Variants in GALNT14 observed in about 807,000 individuals in gnomAD.
The protein encoded by GALNT14 is UDP-GalNAc:polypeptide N-acetylgalactosaminyltransferase 14.
In GALNT14, 60 loss-of-function variants were observed where a neutral mutation model predicts 77.5. That is an observed-to-expected ratio of 0.77 (90% CI 0.63 to 0.96). The LOEUF is 0.96. Ranked by LOEUF, GALNT14 falls within the 40% of genes least tolerant of loss-of-function variation. GALNT14 has a pLI of 0.00. For missense variants in GALNT14, 710 were observed against 731.0 expected, an observed-to-expected ratio of 0.97 and a Z score of 0.33; for synonymous variants, 280 against 281.7, an observed-to-expected ratio of 0.99 and a Z score of 0.06.
At chr2:31,011,629 G>C (rs1420005612) in intron 1 of GALNT14, among the ~76,000 whole-genome samples, 1 of 152,096 alleles carries the variant, frequency 6.6e-6, no homozygotes, top group Non-Finnish European at 1.5e-5. Flanking sequence ...TAAGAGGAGA[G>C]GGCGCCTCTC....
chr2:30,998,053 G>A (rs529022832), intron 1 of GALNT14, among the ~76,000 whole-genome samples: 10 of 152,284 alleles, frequency 6.6e-5, no homozygotes, highest in Non-Finnish European at 1.0e-4. Context: ...GAAATTAAGT[G>A]ATTTGTGACA....
At chr2:30,971,769 C>T (rs560575327) in intron 2 of GALNT14, among the ~76,000 whole-genome samples, 1 of 152,130 alleles carries the variant, frequency 6.6e-6, no homozygotes, top group Non-Finnish European at 1.5e-5. Flanking sequence ...CCACCCTGCA[C>T]CTGAATATGT....
At chr2:30,996,967 TAAATA>T (rs1368619013) in intron 1 of GALNT14, among the ~76,000 whole-genome samples, 3 of 152,148 alleles carry the variant, frequency 2.0e-5, no homozygotes, top group Non-Finnish European at 2.9e-5. Flanking sequence ...ACATAAAGAA[TAAATA>T]AAATAAAATA....
chr2:31,116,029 A>G (rs747946220), intron 1 of GALNT14, among the ~76,000 whole-genome samples: 3 of 152,086 alleles, frequency 2.0e-5, no homozygotes, highest in Non-Finnish European at 4.4e-5. Flanking sequence ...TCTCCAAAAT[A>G]TATTTATTAG....
rs141264180 is a variant in GALNT14, at chr2:31,058,716, C to T, written c.130-65709G>A. Among the ~76,000 whole-genome samples, 278 of 152,294 alleles carry T rather than the reference C, an allele frequency of 1.8e-3. 1 individual carries two copies. The highest frequency in any genetic ancestry group is 6.5e-3 in the African/African-American group (272 of 41,548). ...TCCCCACATCTGGCACATGCACAGACCTTTCATACACAACGTCCCATGACA... is the reference window on the plus strand; with the variant it reads ...TCCCCACATCTGGCACATGCACAGATCTTTCATACACAACGTCCCATGACA... On this transcript the variant is annotated intron_variant, in intron 1 of 14. Coordinates refer to ENST00000349752, the MANE Select transcript of GALNT14 (RefSeq NM_024572.4).
At chr2:30,975,329 C>T (rs1668570641) in intron 2 of GALNT14, among the ~76,000 whole-genome samples, 1 of 152,192 alleles carries the variant, frequency 6.6e-6, no homozygotes, top group Non-Finnish European at 1.5e-5. Flanking sequence ...CAGACTGAGG[C>T]CCAGACACCC....
intron 1 of GALNT14, among the ~76,000 whole-genome samples, chr2:31,106,739 G>C (rs567995995): frequency 1.3e-5 from 2 of 152,196 alleles, no homozygotes; most frequent in Admixed American, 1.3e-4. Context: ...TCCTTATTTG[G>C]GGGTAATTTT....
chr2:31,073,429 C>T (rs1323887017), intron 1 of GALNT14, among the ~76,000 whole-genome samples: 3 of 150,346 alleles, frequency 2.0e-5, no homozygotes, highest in Non-Finnish European at 4.4e-5. Flanking sequence ...AAGAGATGGA[C>T]ATATCAGTCG....
intron 2 of GALNT14, among the ~76,000 whole-genome samples, chr2:30,969,327 C>T (rs1223740508): frequency 1.3e-5 from 2 of 152,182 alleles, no homozygotes; most frequent in African/African-American, 4.8e-5. Context: ...AGGACGAAGG[C>T]ACTGCCTTGG....
At position 30,945,887 on chromosome 2, in the gene GALNT14, C is replaced by T. The variant is rs749639477; in HGVS notation, c.655-17G>A. On this transcript the variant is annotated splice_polypyrimidine_tract_variant and intron_variant, in intron 6 of 14. Coordinates refer to ENST00000349752, the MANE Select transcript of GALNT14 (RefSeq NM_024572.4). ...CGTGTAGTCCTGTAAGACAACAGACCCGCACTTAGCTTATGGAGAGGAGCC... is the reference window on the plus strand; with the variant it reads ...CGTGTAGTCCTGTAAGACAACAGACTCGCACTTAGCTTATGGAGAGGAGCC... 12 of 1,610,718 alleles carry T rather than the reference C, an allele frequency of 7.5e-6. No individual in the cohort carries two copies. In the African/African-American group the frequency reaches 9.4e-5, roughly 13 times the overall value.
At chr2:31,122,594 T>G (rs1678467178) in intron 1 of GALNT14, among the ~76,000 whole-genome samples, 1 of 152,174 alleles carries the variant, frequency 6.6e-6, no homozygotes, top group African/African-American at 2.4e-5. Flanking sequence ...TGGTCTGAGA[T>G]TCTGCATTTC....
intron 1 of GALNT14, among the ~76,000 whole-genome samples, chr2:30,995,392 G>C (rs537213984): frequency 7.2e-5 from 11 of 152,142 alleles, no homozygotes; most frequent in African/African-American, 2.4e-4. Context: ...TTATAGCCTA[G>C]GAGCAACAGG....
intron 1 of GALNT14, among the ~76,000 whole-genome samples, chr2:31,084,536 C>T (rs1676316533): frequency 1.3e-5 from 2 of 152,190 alleles, no homozygotes; most frequent in African/African-American, 2.4e-5. Flanking sequence ...CTCAGCTTGC[C>T]TGGGCCATGG....
chr2:30,995,408 C>T (rs1306471883), intron 1 of GALNT14, among the ~76,000 whole-genome samples: 1 of 152,148 alleles, frequency 6.6e-6, no homozygotes, highest in African/African-American at 2.4e-5. Context: ...ACAGGCTATA[C>T]CTTACAGCCT....
intron 1 of GALNT14, among the ~76,000 whole-genome samples, chr2:31,038,898 A>C (rs942644612): frequency 6.6e-6 from 1 of 151,986 alleles, no homozygotes; most frequent in Non-Finnish European, 1.5e-5. Context: ...GATGTGTGCC[A>C]CTATGCCCCG....
At chr2:31,123,442 A>G (rs538410856) in intron 1 of GALNT14, among the ~76,000 whole-genome samples, 2 of 152,276 alleles carry the variant, frequency 1.3e-5, no homozygotes, top group Admixed American at 6.5e-5. Flanking sequence ...ACTAAATAAA[A>G]GTGGGTTGCT....
the GALNT14 span, among the ~76,000 whole-genome samples, chr2:30,890,099 A>G: frequency 1.3e-5 from 2 of 152,162 alleles, no homozygotes; most frequent in Non-Finnish European, 2.9e-5. Context: ...TGAATCATCA[A>G]TATCACGATT....
At position 30,955,734 on chromosome 2, in the gene GALNT14, C is replaced by G; in HGVS notation, c.538G>C (p.Val180Leu). Residue 180 changes from valine to leucine, a missense_variant, in exon 6 of 15, where the codon GTC becomes CTC. Coordinates refer to ENST00000349752, the MANE Select transcript of GALNT14 (RefSeq NM_024572.4). ...CLRNNERQGL[V>L]RSRIRGADIA... The stretch of plus-strand genomic sequence containing the variant: ...TCAGCGCCCCGAATCCGGGACCGGA[C>G]CAGACCTGCAGTCAGGAACAAATGA... 1 of 1,614,110 alleles carries G rather than the reference C, an allele frequency of 6.2e-7. No individual in the cohort carries two copies. The highest frequency in any genetic ancestry group is 8.5e-7 in the Non-Finnish European group (1 of 1,180,010).
At chr2:30,908,829 C>G (rs961235688), downstream of GALNT14, among the ~76,000 whole-genome samples, 2 of 147,284 alleles carry the variant, frequency 1.4e-5, no homozygotes, top group Non-Finnish European at 3.0e-5. Context: ...CTACAGTAAC[C>G]AAAACAGCAC....
Sources: gnomAD v4.1 joint callset for allele counts (sites outside exome capture counted in the v4.1 genomes callset) on GRCh38, gnomAD v4.1.1 for gene constraint, MANE v1.5 for transcripts, NCBI Gene and HGNC (gene_info 2026-07-23, HGNC 2026-07-21) for gene names.